Variants in PCDHGA3 observed in about 807,000 individuals in gnomAD.
The protein encoded by PCDHGA3 is protocadherin gamma subfamily A, 3.
PCDHGA3 carries 40 observed loss-of-function variants against 58.5 expected under a neutral mutation model. That is an observed-to-expected ratio of 0.68 (90% CI 0.53 to 0.89). The LOEUF (loss-of-function observed/expected upper bound fraction) is 0.89, where lower values mean the gene tolerates loss of function less well. Among genes scored for constraint, PCDHGA3 ranks in the 40% least tolerant of loss-of-function variants. The pLI is 0.00. For missense variants in PCDHGA3, 1,223 were observed against 1,195.9 expected (o/e 1.02, Z -0.33); for synonymous variants, 530 against 525.7 (o/e 1.01, Z -0.11).
intron 1 of PCDHGA3, chr5:141,361,170 T>C (rs1561522819): frequency 6.2e-7 from 1 of 1,613,976 alleles, no homozygotes; most frequent in Non-Finnish European, 8.5e-7. Flanking sequence ...ATTGTGCACC[T>C]GAAGTTATTG....
Position 141,499,029 on chromosome 5 carries a change from A to AAGGAAGG in PCDHGA3, c.2483+4165_2483+4166insGGAAGGA, listed in dbSNP as rs1562187768. Among the ~76,000 whole-genome samples, 348 of 140,068 alleles carry AAGGAAGG rather than the reference A, an allele frequency of 2.5e-3. 2 individuals carry two copies. The highest frequency in any genetic ancestry group is 9.3e-3 in the African/African-American group (335 of 36,066). The allele number at this position is 140,068 out of a possible 152,430, so 91.9% of individuals were successfully genotyped here. ...GGAAGGAAGGAAGGAAGGAAGGAAG[A>AAGGAAGG]AAAGAAAGAAAAAGGGAGAAAAAAT... is the stretch of plus-strand genomic sequence containing the variant. On this transcript the variant is annotated intron_variant, in intron 2 of 3. Transcript: ENST00000253812.
At chr5:141,384,163 C>G (rs535530763) in intron 1 of PCDHGA3, 2 of 1,613,658 alleles carry the variant, frequency 1.2e-6, no homozygotes, top group African/African-American at 1.3e-5. Context: ...TAACATCACA[C>G]TGAAAGCCAC....
intron 1 of PCDHGA3, chr5:141,350,157 G>A (rs900182018): frequency 9.8e-7 from 1 of 1,016,996 alleles, no homozygotes; most frequent in African/African-American, 1.6e-5. Flanking sequence ...ACCCTCGAGC[G>A]CCTAACTAAT....
chr5:141,418,478 G>C (rs777772131), intron 1 of PCDHGA3: 1 of 1,613,976 alleles, frequency 6.2e-7, no homozygotes, highest in Non-Finnish European at 8.5e-7. Context: ...AACGCAGAGC[G>C]CTCACCACTT....
intron 1 of PCDHGA3, chr5:141,409,321 T>G (rs899218484): frequency 1.9e-6 from 3 of 1,613,996 alleles, no homozygotes; most frequent in Admixed American, 1.7e-5. Context: ...AAACACGGGA[T>G]CTGGATTTCG....
At chr5:141,502,907 G>C (rs1335363561) in intron 2 of PCDHGA3, among the ~76,000 whole-genome samples, 2 of 138,924 alleles carry the variant, frequency 1.4e-5, no homozygotes, top group Non-Finnish European at 3.0e-5. Context: ...CTGTTGCCAG[G>C]CTGGAGTGCA....
intron 1 of PCDHGA3, chr5:141,361,467 C>T (rs1431516547): frequency 1.2e-6 from 2 of 1,614,046 alleles, no homozygotes; most frequent in African/African-American, 1.3e-5. Flanking sequence ...ACATCTCCGA[C>T]GTCAACGATA....
At chr5:141,420,250 A>G (rs757203976) in intron 1 of PCDHGA3, 2 of 1,578,784 alleles carry the variant, frequency 1.3e-6, no homozygotes, top group South Asian at 1.2e-5. Context: ...CCAGCGTTGA[A>G]GCAGATAAGA....
At chr5:141,438,366 G>A (rs749623408) in intron 1 of PCDHGA3, among the ~76,000 whole-genome samples, 6 of 151,462 alleles carry the variant, frequency 4.0e-5, no homozygotes, top group Non-Finnish European at 7.4e-5. Context: ...TTGTCATTGA[G>A]GGCAGATATA....
rs762414791 is a variant in PCDHGA3 at position 141,418,601 on chromosome 5, A to G, written c.2424+72144A>G. The G allele has an allele frequency of 3.5e-5, 57 of 1,613,930 alleles. No individual in the cohort carries two copies. The highest frequency in any genetic ancestry group is 1.7e-6 in the Non-Finnish European group (2 of 1,179,902). On this transcript the variant is annotated intron_variant, in intron 1 of 3. Coordinates refer to ENST00000253812, the MANE Select transcript of PCDHGA3 (RefSeq NM_018916.4). ...CCCAGTGTTCAGCCAGGACGTGTAC[A>G]GGGTTAGCCTTCGGGAAGACGTGCC...
intron 2 of PCDHGA3, among the ~76,000 whole-genome samples, chr5:141,502,947 G>A (rs933409229): frequency 3.0e-4 from 45 of 151,030 alleles, no homozygotes; most frequent in Admixed American, 1.8e-3. Context: ...GGGTTCAAGC[G>A]ATTCTCCTGC....
chr5:141,446,191 T>C (rs2098492956), intron 1 of PCDHGA3, among the ~76,000 whole-genome samples: 1 of 152,206 alleles, frequency 6.6e-6, no homozygotes, highest in Non-Finnish European at 1.5e-5. Flanking sequence ...TGTTTATTAT[T>C]ATATTCCTAG....
chr5:141,374,798 A>C (rs1471175480), intron 1 of PCDHGA3: 3 of 1,613,784 alleles, frequency 1.9e-6, no homozygotes, highest in Non-Finnish European at 2.5e-6. Context: ...GAATGACAAC[A>C]CTCCAATGTT....
rs781580216 is a variant in PCDHGA3 at position 141,430,931 on chromosome 5, G to A, written c.2425-63876G>A. The stretch of plus-strand genomic sequence containing the variant: ...CAGGGACCTGGGGCTGGAGCCCCGG[G>A]AGCTCGCGGAGCGCGGAGTCCGCAT... On this transcript the variant is annotated intron_variant, in intron 1 of 3. Coordinates refer to ENST00000253812, the MANE Select transcript of PCDHGA3 (RefSeq NM_018916.4). The A allele has an allele frequency of 1.5e-5, 24 of 1,607,530 alleles. No individual in the cohort carries two copies. In the East Asian group the frequency reaches 4.9e-4, roughly 33 times the overall value.
chr5:141,432,622 G>A lies in PCDHGA3; in HGVS notation c.2425-62185G>A. 6.2e-7 allele frequency: 1 copy of A among 1,612,776 alleles called. No individual in the cohort carries two copies. The stretch of plus-strand genomic sequence containing the variant: ...AGCCGGGACTCTTCTCGGTGGGTCT[G>A]CACACGGGCGAGGTGCGCACGGCGC... On this transcript the variant is annotated intron_variant, in intron 1 of 3. Transcript: ENST00000253812. This position sits in a 1 kb window ranked among gnomAD's most constrained non-coding sequence, Gnocchi z 6.0.
chr5:141,388,430 TAAAG>T (rs2091357990), intron 1 of PCDHGA3: 1 of 1,613,634 alleles, frequency 6.2e-7, no homozygotes, highest in South Asian at 1.1e-5. Context: ...CACTGATAAA[TAAAG>T]AGAAATCAGA....
At position 141,485,800 on chromosome 5, in the gene PCDHGA3, C is replaced by T. The variant is rs1231777430; in HGVS notation, c.2425-9007C>T. On this transcript the variant is annotated intron_variant, in intron 1 of 3. Coordinates refer to ENST00000253812, the MANE Select transcript of PCDHGA3 (RefSeq NM_018916.4). This position sits in a 1 kb window ranked among gnomAD's most constrained non-coding sequence, Gnocchi z 5.7. The stretch of plus-strand genomic sequence containing the variant: ...ATCGAGAGAAGCAATCGGACTACCG[C>T]CTGGTGCTGACTGCTGTCGATGGAG... 1 of 1,614,228 alleles carries T rather than the reference C, an allele frequency of 6.2e-7. No homozygotes were observed. Among genetic ancestry groups the T allele is most frequent in the East Asian group, 2.2e-5 (1 of 44,878 alleles).
chr5:141,380,531 A>G (rs1197165586), intron 1 of PCDHGA3, among the ~76,000 whole-genome samples: 4 of 152,346 alleles, frequency 2.6e-5, no homozygotes, highest in African/African-American at 9.6e-5. Flanking sequence ...AATGATTTCA[A>G]TTTGATACAA....
At chr5:141,418,917 C>T in intron 1 of PCDHGA3, 1 of 1,613,988 alleles carries the variant, frequency 6.2e-7, no homozygotes, top group Non-Finnish European at 8.5e-7. Context: ...ACGTCACTCT[C>T]TGATCAGATT....
Sources: allele counts gnomAD v4.1 joint callset (sites outside exome capture counted in the v4.1 genomes callset), GRCh38; gene constraint gnomAD v4.1.1; non-coding constraint Gnocchi (gnomAD v3.1); transcripts MANE v1.5; gene names NCBI Gene and HGNC (gene_info 2026-07-23, HGNC 2026-07-21).